The following B3GALT1 variants were observed in gnomAD, a reference collection of about 807,000 sequenced individuals.
B3GALT1 encodes the protein beta-1,3-galactosyltransferase 1.
A neutral mutation model predicts 23.2 loss-of-function variants in B3GALT1; 10 were observed. The observed-to-expected ratio is 0.43, with a 90% CI of 0.27 to 0.73. B3GALT1 has a LOEUF of 0.73. Ranked by LOEUF, B3GALT1 falls within the 30% of genes least tolerant of loss-of-function variation. B3GALT1 has a pLI of 0.21. For missense variants in B3GALT1, 299 were observed against 405.4 expected (o/e 0.74, Z 2.25); for synonymous variants, 156 against 141.5 (o/e 1.10, Z -0.73).
chr2:167,765,630 G>T (rs185374147), intron 3 of B3GALT1, among the ~76,000 whole-genome samples: 69 of 152,228 alleles, frequency 4.5e-4, no homozygotes, highest in African/African-American at 1.6e-3. Flanking sequence ...ATTAATGAAT[G>T]AATTAAAAAC....
At chr2:167,579,432 CTT>C (rs71395297) in intron 2 of B3GALT1, among the ~76,000 whole-genome samples, 3 of 109,016 alleles carry the variant, frequency 2.8e-5, no homozygotes. Flanking sequence ...TTTTTTTTGT[CTT>C]TTTTTTTTTT....
intron 3 of B3GALT1, among the ~76,000 whole-genome samples, chr2:167,808,015 G>A (rs1260399081): frequency 6.6e-6 from 1 of 152,106 alleles, no homozygotes; most frequent in Non-Finnish European, 1.5e-5. Context: ...ATTTAGGATA[G>A]TTAGCTCTTC....
intron 3 of B3GALT1, among the ~76,000 whole-genome samples, chr2:167,781,984 CT>C (rs1688253760): frequency 6.6e-6 from 1 of 152,194 alleles, no homozygotes; most frequent in Admixed American, 6.5e-5. Flanking sequence ...CTCAAGCGAT[CT>C]GCCCGCCTCG....
intron 1 of B3GALT1, among the ~76,000 whole-genome samples, chr2:167,361,393 A>C (rs1053126121): frequency 5.9e-5 from 9 of 152,154 alleles, no homozygotes; most frequent in African/African-American, 1.4e-4. Context: ...TCAATAAATT[A>C]TCTCTCCTTA....
At chr2:167,623,608 G>C (rs115862836) in intron 2 of B3GALT1, among the ~76,000 whole-genome samples, 7 of 152,006 alleles carry the variant, frequency 4.6e-5, no homozygotes, top group South Asian at 2.1e-4. Context: ...GTCAGGGAGT[G>C]GGGGGCAAGG....
chr2:167,560,009 T>G (rs1487812803), intron 2 of B3GALT1, among the ~76,000 whole-genome samples: 2 of 152,008 alleles, frequency 1.3e-5, no homozygotes, highest in African/African-American at 4.8e-5. Flanking sequence ...ATAGTCAGAT[T>G]CACCAAAGTT....
Position 167,352,258 on chromosome 2 carries a change from T to C in B3GALT1, c.-511+58924T>C, listed in dbSNP as rs534602951. Among the ~76,000 whole-genome samples, 374 of 116,336 alleles carry C rather than the reference T, an allele frequency of 3.2e-3. 8 individuals carry two copies. The highest frequency in any genetic ancestry group is 0.018 in the East Asian group (63 of 3,444). The allele number at this position is 116,336 out of a possible 152,430, so 76.3% of individuals were successfully genotyped here. On this transcript the variant is annotated intron_variant, in intron 1 of 4. Coordinates refer to ENST00000392690, the MANE Select transcript of B3GALT1 (RefSeq NM_020981.4). ...CTGGAATTACAGGTGTGAGCCACCA[T>C]GCCTGGCCTGTTTTTTTTTTTGTTT...
intron 3 of B3GALT1, among the ~76,000 whole-genome samples, chr2:167,803,136 G>A (rs1249482178): frequency 1.4e-5 from 2 of 147,466 alleles, no homozygotes; most frequent in African/African-American, 5.2e-5. Context: ...TGGTTGGGCT[G>A]GGGAATGGTT....
chr2:167,310,446 C>T (rs1361610430), intron 1 of B3GALT1, among the ~76,000 whole-genome samples: 2 of 151,978 alleles, frequency 1.3e-5, no homozygotes, highest in African/African-American at 4.8e-5. Context: ...AGATTATTTG[C>T]AAGGTGTGCT....
intron 3 of B3GALT1, among the ~76,000 whole-genome samples, chr2:167,810,976 G>A (rs1574275381): frequency 6.6e-6 from 1 of 152,198 alleles, no homozygotes; most frequent in African/African-American, 2.4e-5. Context: ...CATCAGAGAA[G>A]TTCAAGGCAA....
At chr2:167,716,305 G>A (rs1203194720) in intron 3 of B3GALT1, among the ~76,000 whole-genome samples, 1 of 151,938 alleles carries the variant, frequency 6.6e-6, no homozygotes, top group Non-Finnish European at 1.5e-5. Flanking sequence ...CTGAGGCAGC[G>A]CTGGTCCGAG....
intron 1 of B3GALT1, among the ~76,000 whole-genome samples, chr2:167,303,644 TACACACACACACAC>T (rs61323885): frequency 4.1e-5 from 6 of 144,904 alleles, no homozygotes; most frequent in South Asian, 2.3e-4. Context: ...AACACACACA[TACACACACACACAC>T]ACACACACAC....
chr2:167,529,939 C>G (rs1463971583), intron 2 of B3GALT1, among the ~76,000 whole-genome samples: 4 of 152,050 alleles, frequency 2.6e-5, no homozygotes, highest in Non-Finnish European at 5.9e-5. Context: ...TGTCACTCCC[C>G]TTCTCTCAGT....
At chr2:167,697,104 C>T (rs1242751014) in intron 3 of B3GALT1, among the ~76,000 whole-genome samples, 1 of 151,998 alleles carries the variant, frequency 6.6e-6, no homozygotes, top group Non-Finnish European at 1.5e-5. Flanking sequence ...ATGTGGTAGA[C>T]CTCAAAAAAG....
chr2:167,488,624 A>G (rs1453175358), intron 1 of B3GALT1, among the ~76,000 whole-genome samples: 2 of 152,250 alleles, frequency 1.3e-5, no homozygotes, highest in Non-Finnish European at 2.9e-5. Flanking sequence ...GTTACAATAA[A>G]GTATACAGAT....
intron 1 of B3GALT1, among the ~76,000 whole-genome samples, chr2:167,371,250 T>C (rs1222825103): frequency 3.9e-5 from 6 of 152,116 alleles, no homozygotes; most frequent in Non-Finnish European, 8.8e-5. Flanking sequence ...TACTCAAAAA[T>C]ATTTCTCAAA....
At chr2:167,808,874 C>T (rs148703777) in intron 3 of B3GALT1, among the ~76,000 whole-genome samples, 4 of 152,116 alleles carry the variant, frequency 2.6e-5, no homozygotes, top group Non-Finnish European at 5.9e-5. Flanking sequence ...TATCCTGCAG[C>T]GTGTTTTCCA....
chr2:167,741,359 G>A (rs1375521093), intron 3 of B3GALT1, among the ~76,000 whole-genome samples: 1 of 152,122 alleles, frequency 6.6e-6, no homozygotes, highest in African/African-American at 2.4e-5. Context: ...TCTACTAAGT[G>A]CTAAACTTTG....
chr2:167,610,949 A>G (rs1685054228), intron 2 of B3GALT1, among the ~76,000 whole-genome samples: 1 of 148,790 alleles, frequency 6.7e-6, no homozygotes, highest in Non-Finnish European at 1.5e-5. Context: ...AGAAAAGCCA[A>G]ACAACAAGAA....
Sources: allele counts gnomAD v4.1 joint callset (sites outside exome capture counted in the v4.1 genomes callset), GRCh38; gene constraint gnomAD v4.1.1; transcripts MANE v1.5; gene names NCBI Gene and HGNC (gene_info 2026-07-23, HGNC 2026-07-21).